The following PDZD2 variants were observed in gnomAD, a reference collection of about 807,000 sequenced individuals.
PDZD2 encodes the protein PDZ domain-containing protein 2.
Under a neutral mutation model 220.7 loss-of-function variants are expected in PDZD2, and 90 were observed. The ratio of observed to expected loss-of-function variants is 0.41; its 90% CI spans 0.34 to 0.49. The LOEUF is 0.49. Ranked by LOEUF, PDZD2 falls within the 20% of genes least tolerant of loss-of-function variation. The probability of loss-of-function intolerance (pLI) is 0.28; values close to 1 mark genes in which losing one functional copy is unlikely to be tolerated. For missense variants in PDZD2, 3,174 were observed against 3,608.5 expected, an observed-to-expected ratio of 0.88 and a Z score of 3.08; for synonymous variants, 1,375 against 1,450.5, an observed-to-expected ratio of 0.95 and a Z score of 1.18.
At chr5:31,956,544 C>G (rs1395391703) in intron 2 of PDZD2, among the ~76,000 whole-genome samples, 1 of 121,514 alleles carries the variant, frequency 8.2e-6, no homozygotes, top group East Asian at 2.3e-4. Flanking sequence ...GAGACTCTGT[C>G]TCAAAAAAAA....
chr5:31,788,716 C>G (rs1271907724), intron 1 of PDZD2, among the ~76,000 whole-genome samples: 1 of 124,086 alleles, frequency 8.1e-6, no homozygotes, highest in Non-Finnish European at 1.8e-5. Flanking sequence ...TCTCCCAAAA[C>G]CTAAGCTGAC....
intron 5 of PDZD2, among the ~76,000 whole-genome samples, chr5:32,002,765 C>CCACACACCACACACACACCACACACCA (rs55888165): frequency 1.9e-5 from 2 of 107,140 alleles, no homozygotes; most frequent in South Asian, 6.8e-4. Context: ...ACCCCACACA[C>CCACACACCACACACACACCACACACCA]CACACACACC....
At chr5:31,686,262 AT>A (rs1391536324) in intron 1 of PDZD2, among the ~76,000 whole-genome samples, 1 of 151,844 alleles carries the variant, frequency 6.6e-6, no homozygotes, top group Non-Finnish European at 1.5e-5. Context: ...TAATACAAAA[AT>A]TTCATATTTC....
intron 1 of PDZD2, among the ~76,000 whole-genome samples, chr5:31,695,077 T>A (rs1211616584): frequency 6.6e-6 from 1 of 151,606 alleles, no homozygotes; most frequent in Non-Finnish European, 1.5e-5. Flanking sequence ...TGAGCCGAGA[T>A]CGCACCACTG....
intron 1 of PDZD2, among the ~76,000 whole-genome samples, chr5:31,714,639 G>T (rs773202654): frequency 6.6e-6 from 1 of 152,138 alleles, no homozygotes; most frequent in African/African-American, 2.4e-5. Context: ...TGAGAAAGTG[G>T]ATTTGGCAGA....
At chr5:31,767,278 C>T (rs1477217510) in intron 1 of PDZD2, among the ~76,000 whole-genome samples, 1 of 152,156 alleles carries the variant, frequency 6.6e-6, no homozygotes, top group African/African-American at 2.4e-5. Flanking sequence ...GTGATCCACC[C>T]ACCTCGGCCT....
chr5:31,822,002 T>C (rs1015186352), intron 2 of PDZD2, among the ~76,000 whole-genome samples: 12 of 152,210 alleles, frequency 7.9e-5, no homozygotes, highest in Non-Finnish European at 1.5e-4. Context: ...GTTTCATCCA[T>C]GTCCCTGCAA....
intron 1 of PDZD2, among the ~76,000 whole-genome samples, chr5:31,681,214 A>G (rs1225474454): frequency 1.3e-5 from 2 of 152,082 alleles, no homozygotes; most frequent in Non-Finnish European, 2.9e-5. Context: ...CTGTTGATTC[A>G]TCAATACTTA....
At chr5:31,851,127 AT>A (rs1462874762) in intron 2 of PDZD2, among the ~76,000 whole-genome samples, 3 of 151,890 alleles carry the variant, frequency 2.0e-5, no homozygotes, top group Non-Finnish European at 4.4e-5. Flanking sequence ...CATAAGTTCT[AT>A]TTTCTGTCTC....
intron 2 of PDZD2, among the ~76,000 whole-genome samples, chr5:31,811,753 G>A (rs1755124492): frequency 6.6e-6 from 1 of 152,068 alleles, no homozygotes; most frequent in Non-Finnish European, 1.5e-5. Flanking sequence ...ACTTTTGGAG[G>A]CCAAGGCAGG....
At chr5:31,883,619 A>ATTTT (rs34170782) in intron 2 of PDZD2, among the ~76,000 whole-genome samples, 1 of 133,576 alleles carries the variant, frequency 7.5e-6, no homozygotes, top group Non-Finnish European at 1.6e-5. Flanking sequence ...ATCCTCTGTA[A>ATTTT]TTTTTTTTTT....
chr5:32,010,018 C>T (rs867805500), intron 5 of PDZD2, among the ~76,000 whole-genome samples: 9 of 140,714 alleles, frequency 6.4e-5, no homozygotes, highest in Middle Eastern at 3.9e-3. Context: ...ACCCGGGAGG[C>T]GGAGGTTGCA....
intron 6 of PDZD2, among the ~76,000 whole-genome samples, chr5:32,035,673 A>G (rs1755481064): frequency 6.6e-6 from 1 of 152,094 alleles, no homozygotes; most frequent in Non-Finnish European, 1.5e-5. Context: ...AATTTTCATT[A>G]CCTGTTAATT....
intron 2 of PDZD2, among the ~76,000 whole-genome samples, chr5:31,949,632 C>T (rs1746995697): frequency 6.6e-6 from 1 of 150,566 alleles, no homozygotes; most frequent in Non-Finnish European, 1.5e-5. Context: ...TTAGTCTCTT[C>T]AGCTGCTCAT....
intron 2 of PDZD2, among the ~76,000 whole-genome samples, chr5:31,901,205 G>C (rs1287089906): frequency 6.6e-6 from 1 of 152,060 alleles, no homozygotes; most frequent in Non-Finnish European, 1.5e-5. Context: ...TTCACTTAAG[G>C]TCAGGAGTTT....
chr5:32,090,338 A>T lies in PDZD2; in HGVS notation c.6890A>T (p.Asp2297Val). 1 of 1,614,172 alleles carries T rather than the reference A, an allele frequency of 6.2e-7. No homozygotes were observed. The highest frequency in any genetic ancestry group is 1.1e-5 in the South Asian group (1 of 91,084). Residue 2297 changes from aspartate (D) to valine (V), a missense_variant, in exon 20 of 25, where the codon GAT becomes GTT. Asp to Val is a radical substitution (Grantham distance 152, BLOSUM62 -3). Coordinates refer to ENST00000438447, the MANE Select transcript of PDZD2 (RefSeq NM_178140.4). This position sits in a 1 kb window ranked among gnomAD's most constrained non-coding sequence, Gnocchi z 4.3. Reference protein sequence around the residue: ...SRNLPATDEGDIISVQETSCL... With the variant: ...SRNLPATDEGVIISVQETSCL... ...AATCTTCCAGCCACAGATGAAGGGG[A>T]TATCATTTCAGTCCAGGAGACGAGC...
At position 31,864,452 on chromosome 5, in the gene PDZD2, T is replaced by C. The variant is rs540092882; in HGVS notation, c.476+64728T>C. Among the ~76,000 whole-genome samples, 9 of 152,342 alleles carry C rather than the reference T, an allele frequency of 5.9e-5. 1 individual carries two copies. In the South Asian group the frequency reaches 1.9e-3, roughly 32 times the overall value. On this transcript the variant is annotated intron_variant, in intron 2 of 24. Transcript: ENST00000438447. The stretch of plus-strand genomic sequence containing the variant: ...AGTCTATGTCCATTTCTTTCTCATA[T>C]ATAATCTTAATTGTCATGCTTGGCT...
intron 1 of PDZD2, among the ~76,000 whole-genome samples, chr5:31,788,684 A>AAATAAATAAAT (rs1461725032): frequency 2.2e-5 from 1 of 45,270 alleles, no homozygotes; most frequent in African/African-American, 8.2e-5. Flanking sequence ...TAAATAAATT[A>AAATAAATAAAT]AATAAATAAA....
intron 1 of PDZD2, among the ~76,000 whole-genome samples, chr5:31,792,174 C>A (rs1226558157): frequency 6.6e-6 from 1 of 152,182 alleles, no homozygotes; most frequent in South Asian, 2.1e-4. Flanking sequence ...CTGACACAAA[C>A]TACATGTTTA....
Sources: gnomAD v4.1 joint callset for allele counts (sites outside exome capture counted in the v4.1 genomes callset) on GRCh38, gnomAD v4.1.1 for gene constraint, Gnocchi (gnomAD v3.1) non-coding constraint, MANE v1.5 for transcripts, NCBI Gene and HGNC (gene_info 2026-07-23, HGNC 2026-07-21) for gene names.